ATP6V1D: variants seen among roughly 807,000 people sequenced by gnomAD.
The protein encoded by ATP6V1D is ATPase H+ transporting V1 subunit D.
ATP6V1D carries 20 observed loss-of-function variants against 39.4 expected under a neutral mutation model. The ratio of observed to expected loss-of-function variants is 0.51; its 90% CI spans 0.36 to 0.74. The LOEUF (loss-of-function observed/expected upper bound fraction) is 0.74. Ranked by LOEUF, ATP6V1D falls within the 30% of genes least tolerant of loss-of-function variation. The pLI, the probability that ATP6V1D is intolerant of heterozygous loss-of-function variation, is 0.00. For synonymous variants in ATP6V1D, 100 were observed against 100.5 expected (o/e 0.99, Z 0.03); for missense variants, 228 against 291.6 (o/e 0.78, Z 1.59).
At position 67,347,662 on chromosome 14, in the gene ATP6V1D, G is replaced by A. The variant is rs889076063; in HGVS notation, c.308-209C>T. Among the ~76,000 whole-genome samples the A allele has an allele frequency of 3.3e-5, 5 of 151,920 alleles. No homozygotes were observed. In the East Asian group the frequency reaches 5.8e-4, roughly 18 times the overall value. On this transcript the variant is annotated intron_variant, in intron 4 of 8. Transcript: ENST00000216442. The stretch of plus-strand genomic sequence containing the variant: ...ATTACAGGCATGCACCACCACACCC[G>A]GCTAATTTTGTATTTTTAGTAGACA...
At chr14:67,349,474 G>A (rs1226683209) in intron 3 of ATP6V1D, among the ~76,000 whole-genome samples, 2 of 152,166 alleles carry the variant, frequency 1.3e-5, no homozygotes, top group South Asian at 2.1e-4. Context: ...TTAAGCTGGC[G>A]TTCAATTCCT....
chr14:67,351,368 A>G (rs1170473908), intron 2 of ATP6V1D, among the ~76,000 whole-genome samples: 1 of 152,222 alleles, frequency 6.6e-6, no homozygotes, highest in African/African-American at 2.4e-5. Context: ...TAAAGAAAAA[A>G]AACTGTAAAG....
intron 6 of ATP6V1D, among the ~76,000 whole-genome samples, chr14:67,344,899 AC>A: frequency 1.3e-5 from 2 of 150,356 alleles, no homozygotes; most frequent in Admixed American, 6.6e-5. Context: ...AAACAAACAA[AC>A]AAACAAAAAA....
chr14:67,359,765 G>A lies in ATP6V1D; in HGVS notation c.-67C>T, dbSNP rs190916934. 878 of 1,581,708 alleles carry A rather than the reference G, an allele frequency of 5.6e-4. 10 individuals carry two copies. In the Admixed American group the frequency reaches 0.014, roughly 25 times the overall value. On this transcript the variant is annotated 5_prime_UTR_variant, in exon 1 of 9. Transcript: ENST00000216442. ...CGAGGCTGCAATAGCTCCAGAACTG[G>A]CCTCCACAGTGTCTTCCTCTACGGG...
At chr14:67,340,397 A>G in intron 8 of ATP6V1D, 43 bp downstream of exon 8, 1 of 1,539,422 alleles carries the variant, frequency 6.5e-7, no homozygotes, top group Non-Finnish European at 9.0e-7. Context: ...CCTTTGGAAT[A>G]TGGAAAACAA....
At chr14:67,355,002 A>AG (rs1341677196) in intron 1 of ATP6V1D, among the ~76,000 whole-genome samples, 14 of 151,844 alleles carry the variant, frequency 9.2e-5, no homozygotes, top group African/African-American at 3.4e-4. Flanking sequence ...TAGTAGAGAC[A>AG]GGTTTCTCCA....
intron 2 of ATP6V1D, among the ~76,000 whole-genome samples, chr14:67,351,179 T>C (rs2085651832): frequency 6.6e-6 from 1 of 152,202 alleles, no homozygotes; most frequent in Non-Finnish European, 1.5e-5. Context: ...GAAATATTAA[T>C]ATATCTGGTT....
At chr14:67,347,704 T>G (rs2085629650) in intron 4 of ATP6V1D, among the ~76,000 whole-genome samples, 1 of 151,952 alleles carries the variant, frequency 6.6e-6, no homozygotes, top group Non-Finnish European at 1.5e-5. Context: ...TTCTCCATGT[T>G]GGTAAGGTTG....
chr14:67,349,057 G>A lies in ATP6V1D; in HGVS notation c.287C>T (p.Ala96Val), dbSNP rs773197310. 1.2e-5 allele frequency: 20 copies of A among 1,613,778 alleles called. No individual in the cohort carries two copies. Among genetic ancestry groups the A allele is most frequent in the Admixed American group, 6.7e-5 (4 of 59,994 alleles). The change falls in exon 4 of 9, where the codon GCG (alanine) becomes GTG (valine). Residue 96 changes from alanine to valine, a missense_variant. Transcript: ENST00000216442. ...NVNKAQVKIR[A>V]KKDNVAGVTL... ...GTTACCTGCTACATTATCTTTCTTC[G>A]CTCGAATCTTCACTTGCGCTTTATT...
At chr14:67,341,957 G>A (rs892025842) in intron 7 of ATP6V1D, among the ~76,000 whole-genome samples, 6 of 151,808 alleles carry the variant, frequency 4.0e-5, no homozygotes, top group Non-Finnish European at 7.4e-5. Context: ...GGTGCAAGAT[G>A]TGCTTTGTTA....
chr14:67,352,180 G>A (rs969749611), intron 2 of ATP6V1D, among the ~76,000 whole-genome samples: 6 of 151,850 alleles, frequency 4.0e-5, no homozygotes, highest in Admixed American at 2.0e-4. Context: ...TGTTAAGTAC[G>A]TACAGGTTTA....
At chr14:67,338,888 A>G in intron 8 of ATP6V1D, 126 bp from the exon 9 acceptor site, 1 of 732,422 alleles carries the variant, frequency 1.4e-6, no homozygotes, top group South Asian at 3.1e-5. Context: ...ACTTTTATTA[A>G]TTTCATTTTC....
chr14:67,352,787 C>G, intron 2 of ATP6V1D, 136 bp downstream of exon 2: 1 of 620,802 alleles, frequency 1.6e-6, no homozygotes, highest in East Asian at 2.9e-5. Flanking sequence ...ATATTTGACA[C>G]TTGTTAAACT....
chr14:67,340,435 C>A lies in ATP6V1D; in HGVS notation c.602+5G>T. 1 of 1,612,238 alleles carries A rather than the reference C, an allele frequency of 6.2e-7. No individual in the cohort carries two copies. On this transcript the variant is annotated splice_donor_5th_base_variant and intron_variant, in intron 8 of 8. Transcript: ENST00000216442. ...GATGATCAATAACTGCCAATTTCAA[C>A]AAACCTATAGAACTCTTCTCGCTCT...
At chr14:67,355,886 T>C (rs1249868788) in intron 1 of ATP6V1D, among the ~76,000 whole-genome samples, 2 of 151,022 alleles carry the variant, frequency 1.3e-5, no homozygotes, top group Non-Finnish European at 2.9e-5. Context: ...GGTAATCCCA[T>C]ATACAAAGAA....
chr14:67,340,874 CTG>C (rs1260491124), intron 7 of ATP6V1D, among the ~76,000 whole-genome samples: 5 of 152,240 alleles, frequency 3.3e-5, no homozygotes, highest in African/African-American at 1.2e-4. Flanking sequence ...CGGGGTTTCG[CTG>C]TGTTGGCCAG....
chr14:67,348,856 A>C (rs2085639532), intron 4 of ATP6V1D, 181 bp downstream of exon 4: 4 of 629,014 alleles, frequency 6.4e-6, no homozygotes, highest in Non-Finnish European at 1.1e-5. Flanking sequence ...TCTATACAAA[A>C]GTCAAGTTAT....
chr14:67,354,749 A>G (rs1194552727), intron 1 of ATP6V1D, among the ~76,000 whole-genome samples: 1 of 152,222 alleles, frequency 6.6e-6, no homozygotes, highest in Non-Finnish European at 1.5e-5. Context: ...GTTACCTTTG[A>G]TAAATGGGAC....
chr14:67,358,517 T>C (rs1044140948), intron 1 of ATP6V1D, among the ~76,000 whole-genome samples: 1 of 151,882 alleles, frequency 6.6e-6, no homozygotes, highest in Non-Finnish European at 1.5e-5. Context: ...GGGTCAAAAC[T>C]GATTTTCTGC....
Sources: gnomAD v4.1 joint callset for allele counts (sites outside exome capture counted in the v4.1 genomes callset) on GRCh38, gnomAD v4.1.1 for gene constraint, MANE v1.5 for transcripts, NCBI Gene and HGNC (gene_info 2026-07-23, HGNC 2026-07-21) for gene names.